Variants in FRMPD4 observed in about 807,000 individuals in gnomAD.
The protein encoded by FRMPD4 is FERM and PDZ domain-containing protein 4.
Under a neutral mutation model 94.1 loss-of-function variants are expected in FRMPD4, and 22 were observed. The ratio of observed to expected loss-of-function variants is 0.23; its 90% CI spans 0.17 to 0.33. The LOEUF (loss-of-function observed/expected upper bound fraction) is 0.33. Ranked by LOEUF, FRMPD4 falls within the 10% of genes least tolerant of loss-of-function variation. The pLI is 1.00. For synonymous variants in FRMPD4, 631 were observed against 548.6 expected (o/e 1.15, Z -2.10); for missense variants, 1,111 against 1,339.9 (o/e 0.83, Z 2.67).
At chrX:12,261,058 A>G (rs984299008) in intron 1 of FRMPD4, among the ~76,000 whole-genome samples, 7 of 111,632 alleles carry the variant, frequency 6.3e-5, no homozygotes, top group Non-Finnish European at 9.4e-5. Context: ...CTGAGGGCAG[A>G]GAAGCTTGTC....
chrX:12,101,284 G>A (rs1260081247), intron 3 of FRMPD4, among the ~76,000 whole-genome samples: 4 of 111,274 alleles, frequency 3.6e-5, no homozygotes, highest in Non-Finnish European at 5.7e-5. Flanking sequence ...TGTTTCTGTC[G>A]AGGGGCATCT....
intron 3 of FRMPD4, among the ~76,000 whole-genome samples, chrX:11,913,059 CT>C (rs1420404932): frequency 8.9e-6 from 1 of 112,150 alleles, no homozygotes; most frequent in Non-Finnish European, 1.9e-5. Context: ...AATTCATAGC[CT>C]TATCTGCCTC....
At chrX:12,049,263 G>A (rs1169847212) in intron 3 of FRMPD4, among the ~76,000 whole-genome samples, 4 of 111,363 alleles carry the variant, frequency 3.6e-5, no homozygotes, top group Non-Finnish European at 7.6e-5. Context: ...TAAATAGATT[G>A]CATTCTTGAT....
chrX:12,496,818 C>T, intron 1 of FRMPD4, among the ~76,000 whole-genome samples: 1 of 111,754 alleles, frequency 8.9e-6, no homozygotes, highest in African/African-American at 3.2e-5. Context: ...AGTTGATTTG[C>T]ATTTGTAGAG....
chrX:11,881,641 G>A (rs1429126177), intron 3 of FRMPD4, among the ~76,000 whole-genome samples: 2 of 111,982 alleles, frequency 1.8e-5, no homozygotes, highest in South Asian at 3.7e-4. Context: ...AGGATTAGGG[G>A]TTGGAGGAGG....
chrX:12,573,467 C>G (rs1035150910), intron 2 of FRMPD4, among the ~76,000 whole-genome samples: 1 of 112,175 alleles, frequency 8.9e-6, no homozygotes, highest in African/African-American at 3.2e-5. Flanking sequence ...GAGACTTCCT[C>G]AGAGACCAAG....
At chrX:12,641,757 G>A (rs762003178) in intron 4 of FRMPD4, among the ~76,000 whole-genome samples, 1 of 112,425 alleles carries the variant, frequency 8.9e-6, no homozygotes, top group Non-Finnish European at 1.9e-5. Flanking sequence ...GATCATTGCT[G>A]TAAAGGAAAA....
intron 1 of FRMPD4, among the ~76,000 whole-genome samples, chrX:12,473,063 G>A (rs1429567054): frequency 9.0e-6 from 1 of 110,753 alleles, no homozygotes; most frequent in Non-Finnish European, 1.9e-5. Flanking sequence ...CAGCCAGAGA[G>A]AAAGGTCAGG....
At chrX:12,097,467 C>T (rs1179769849) in intron 3 of FRMPD4, among the ~76,000 whole-genome samples, 5 of 111,984 alleles carry the variant, frequency 4.5e-5, no homozygotes, top group Non-Finnish European at 9.4e-5. Flanking sequence ...AATAGTTTTC[C>T]GTTTATTTAC....
intron 4 of FRMPD4, among the ~76,000 whole-genome samples, chrX:12,650,610 G>A (rs2059587561): frequency 8.9e-6 from 1 of 112,025 alleles, no homozygotes; most frequent in Non-Finnish European, 1.9e-5. Context: ...AATCATCATA[G>A]TATTTGGAGA....
At chrX:12,564,270 A>C (rs1350997328) in intron 2 of FRMPD4, among the ~76,000 whole-genome samples, 1 of 112,804 alleles carries the variant, frequency 8.9e-6, no homozygotes. Flanking sequence ...ACAAACATTC[A>C]ATCCATAGCT....
At chrX:11,954,104 A>C (rs2054241179) in intron 3 of FRMPD4, among the ~76,000 whole-genome samples, 1 of 112,500 alleles carries the variant, frequency 8.9e-6, no homozygotes, top group South Asian at 3.7e-4. Flanking sequence ...TAACACAATT[A>C]TCTTTAATTA....
At position 12,609,839 on chromosome X, in the gene FRMPD4, G is replaced by A; in HGVS notation, c.277G>A (p.Ala93Thr). 2 of 1,211,330 alleles carry A rather than the reference G, an allele frequency of 1.7e-6. No homozygotes were observed. The highest frequency in any genetic ancestry group is 2.2e-6 in the Non-Finnish European group (2 of 895,169). The change falls in exon 3 of 17, where the codon GCA (alanine) becomes ACA (threonine). Residue 93 changes from alanine (A) to threonine (T), a missense_variant. Physicochemically the swap from Ala to Thr is moderately conservative, Grantham distance 58. Transcript: ENST00000675598. ...CCCCGTGCTGGGATTTGGTTTTGTG[G>A]CAGGCAGTGAAAAGCCAGTGGTCGT... is the stretch of plus-strand genomic sequence containing the variant. ...RDPVLGFGFV[A>T]GSEKPVVVRS...
chrX:11,893,325 A>G (rs2053884951), intron 3 of FRMPD4, among the ~76,000 whole-genome samples: 1 of 111,769 alleles, frequency 8.9e-6, no homozygotes, highest in Non-Finnish European at 1.9e-5. Context: ...TAAAAATTTC[A>G]AGTAGATTTT....
chrX:11,917,006 G>T (rs1190313414), intron 3 of FRMPD4, among the ~76,000 whole-genome samples: 2 of 111,809 alleles, frequency 1.8e-5, no homozygotes, highest in African/African-American at 6.5e-5. Flanking sequence ...TTTCTTCCAG[G>T]ACTGAAGGAG....
chrX:12,515,871 G>A (rs952430846), intron 2 of FRMPD4, among the ~76,000 whole-genome samples: 1 of 111,514 alleles, frequency 9.0e-6, no homozygotes, highest in Non-Finnish European at 1.9e-5. Flanking sequence ...TTATGAATCT[G>A]GGTGCTCCTG....
chrX:12,231,135 G>A (rs963251130), intron 1 of FRMPD4, among the ~76,000 whole-genome samples: 5 of 86,926 alleles, frequency 5.8e-5, no homozygotes, highest in East Asian at 3.5e-4. Context: ...CTGCAGACTC[G>A]ACCTGCCGGG....
chrX:12,411,267 T>A (rs2056728981), intron 1 of FRMPD4, among the ~76,000 whole-genome samples: 1 of 112,270 alleles, frequency 8.9e-6, no homozygotes, highest in African/African-American at 3.2e-5. Context: ...GCTACTATTT[T>A]CCTGTCTTAG....
At chrX:12,582,747 G>C (rs2058881212) in intron 2 of FRMPD4, among the ~76,000 whole-genome samples, 1 of 111,463 alleles carries the variant, frequency 9.0e-6, no homozygotes, top group African/African-American at 3.3e-5. Flanking sequence ...CCAGCTCTCT[G>C]TGCACACAGG....
Sources: allele counts gnomAD v4.1 joint callset (sites outside exome capture counted in the v4.1 genomes callset), GRCh38; gene constraint gnomAD v4.1.1; transcripts MANE v1.5; gene names NCBI Gene and HGNC (gene_info 2026-07-23, HGNC 2026-07-21).